Variants in LRP1B observed in about 807,000 individuals in gnomAD.
LRP1B encodes the protein low-density lipoprotein receptor-related protein 1B.
A neutral mutation model predicts 556.6 loss-of-function variants in LRP1B; 217 were observed. The ratio of observed to expected loss-of-function variants is 0.39; its 90% confidence interval spans 0.35 to 0.44. LRP1B has a LOEUF of 0.44. Among genes scored for constraint, LRP1B ranks in the 20% least tolerant of loss-of-function variants. The pLI, the probability that LRP1B is intolerant of heterozygous loss-of-function variation, is 1.00. For missense variants in LRP1B, 5,053 were observed against 5,620.8 expected (o/e 0.90, Z 3.23); for synonymous variants, 2,047 against 1,865.8 (o/e 1.10, Z -2.50).
chr2:142,067,737 A>G (rs553816633), intron 1 of LRP1B, among the ~76,000 whole-genome samples: 43 of 151,680 alleles, frequency 2.8e-4, no homozygotes, highest in African/African-American at 1.0e-3. Flanking sequence ...TTCCTCCTGT[A>G]CAATATTGGC....
intron 41 of LRP1B, among the ~76,000 whole-genome samples, chr2:140,670,608 C>G (rs891230710): frequency 8.5e-5 from 13 of 152,162 alleles, no homozygotes; most frequent in South Asian, 2.1e-4. Flanking sequence ...TATTTATTCC[C>G]TGAAGGGTAA....
At chr2:141,666,979 A>AT (rs35236182) in intron 2 of LRP1B, among the ~76,000 whole-genome samples, 7,166 of 148,728 alleles carry the variant, frequency 0.048, 231 homozygotes, top group Non-Finnish European at 0.068. Flanking sequence ...TTATTTCTAG[A>AT]TTTTTTTTTT....
chr2:141,631,492 C>T (rs141845198), intron 2 of LRP1B, among the ~76,000 whole-genome samples: 2 of 144,698 alleles, frequency 1.4e-5, no homozygotes, highest in East Asian at 4.1e-4. Context: ...GTAACTTGTG[C>T]TAGGTTCCAT....
At chr2:140,733,505 G>A (rs969597573) in intron 35 of LRP1B, among the ~76,000 whole-genome samples, 4 of 152,086 alleles carry the variant, frequency 2.6e-5, no homozygotes, top group Non-Finnish European at 5.9e-5. Flanking sequence ...ACAAACTGGT[G>A]TACTCACAAA....
intron 5 of LRP1B, among the ~76,000 whole-genome samples, chr2:141,234,933 T>C (rs1683596879): frequency 6.6e-6 from 1 of 152,114 alleles, no homozygotes; most frequent in Non-Finnish European, 1.5e-5. Flanking sequence ...CATTGAAATA[T>C]TTTCTTTTTC....
At chr2:141,002,988 C>T (rs1180706969) in intron 15 of LRP1B, among the ~76,000 whole-genome samples, 1 of 151,932 alleles carries the variant, frequency 6.6e-6, no homozygotes, top group African/African-American at 2.4e-5. Flanking sequence ...CCAAAGTTCT[C>T]ATGTCCGGTA....
intron 68 of LRP1B, among the ~76,000 whole-genome samples, chr2:140,375,287 G>C (rs1274449539): frequency 6.9e-6 from 1 of 145,264 alleles, no homozygotes; most frequent in Non-Finnish European, 1.5e-5. Context: ...AAGTAAGTTT[G>C]TTGTTGTGCA....
chr2:142,012,781 G>A (rs934141462), intron 1 of LRP1B, among the ~76,000 whole-genome samples: 4 of 152,034 alleles, frequency 2.6e-5, no homozygotes, highest in Admixed American at 2.6e-4. Context: ...AGAATGTTCA[G>A]GTTTTACAAA....
intron 3 of LRP1B, among the ~76,000 whole-genome samples, chr2:141,401,039 C>A (rs1195678591): frequency 2.0e-5 from 3 of 152,100 alleles, no homozygotes; most frequent in Non-Finnish European, 4.4e-5. Context: ...TTGCTAGAAC[C>A]ACCTTTTTAA....
chr2:142,013,696 T>A (rs1021185743), intron 1 of LRP1B, among the ~76,000 whole-genome samples: 39 of 152,120 alleles, frequency 2.6e-4, no homozygotes, highest in Admixed American at 3.9e-4. Context: ...CAGAAATTAT[T>A]TTTCATGTAA....
chr2:140,928,318 T>C (rs1694945609), intron 20 of LRP1B, among the ~76,000 whole-genome samples: 1 of 152,176 alleles, frequency 6.6e-6, no homozygotes, highest in African/African-American at 2.4e-5. Flanking sequence ...AGACTGGTTA[T>C]GCTGTGATAA....
At chr2:140,666,650 T>G (rs1685286106) in intron 41 of LRP1B, among the ~76,000 whole-genome samples, 1 of 152,190 alleles carries the variant, frequency 6.6e-6, no homozygotes, top group Non-Finnish European at 1.5e-5. Context: ...AACTAACATT[T>G]CCAAGGATTA....
At chr2:141,413,228 G>GA (rs1341206345) in intron 3 of LRP1B, among the ~76,000 whole-genome samples, 1 of 152,024 alleles carries the variant, frequency 6.6e-6, no homozygotes, top group African/African-American at 2.4e-5. Context: ...ACTGTCTCTG[G>GA]AAAAAAGAAA....
rs550995678 is a variant in LRP1B at position 140,401,523 on chromosome 2, G to A, written c.10415-15514C>T. On this transcript the variant is annotated intron_variant, in intron 66 of 90. Transcript: ENST00000389484. ...AAGGGCTGCAGCTTGCCCCACAAAT[G>A]GAGAGTCAGAGTGCTGATCCACCTG... is the stretch of plus-strand genomic sequence containing the variant. Among the ~76,000 whole-genome samples the A allele has an allele frequency of 2.2e-4, 34 of 152,274 alleles. 3 individuals are homozygous for A. Among genetic ancestry groups the A allele is most frequent in the African/African-American group, 6.5e-4 (27 of 41,566 alleles).
intron 1 of LRP1B, among the ~76,000 whole-genome samples, chr2:142,020,535 G>A (rs867036183): frequency 2.0e-5 from 3 of 152,062 alleles, no homozygotes; most frequent in Non-Finnish European, 4.4e-5. Flanking sequence ...GACCACGAAA[G>A]GAATTTCTGT....
At chr2:140,795,764 T>C (rs1336379477) in intron 32 of LRP1B, among the ~76,000 whole-genome samples, 1 of 152,128 alleles carries the variant, frequency 6.6e-6, no homozygotes, top group Non-Finnish European at 1.5e-5. Flanking sequence ...AAGTTCAGTT[T>C]AAGACAATTA....
At chr2:141,266,298 T>C (rs1684884846) in intron 3 of LRP1B, among the ~76,000 whole-genome samples, 1 of 141,790 alleles carries the variant, frequency 7.1e-6, no homozygotes, top group Admixed American at 7.7e-5. Context: ...TACTCCAGCC[T>C]GAGTGATGGA....
At chr2:141,078,611 C>A (rs1341942365) in intron 7 of LRP1B, among the ~76,000 whole-genome samples, 1 of 70,976 alleles carries the variant, frequency 1.4e-5, no homozygotes, top group African/African-American at 4.3e-5. Context: ...AAAAAGCCTG[C>A]CAAGAGGGAG....
intron 1 of LRP1B, among the ~76,000 whole-genome samples, chr2:142,013,764 T>A (rs1198796376): frequency 6.6e-6 from 1 of 152,144 alleles, no homozygotes; most frequent in Non-Finnish European, 1.5e-5. Flanking sequence ...ATTTGGATTG[T>A]ACAGTGATTA....
Sources: gnomAD v4.1 joint callset for allele counts (sites outside exome capture counted in the v4.1 genomes callset) on GRCh38, gnomAD v4.1.1 for gene constraint, MANE v1.5 for transcripts, NCBI Gene and HGNC (gene_info 2026-07-23, HGNC 2026-07-21) for gene names.